SNX30: variants seen among roughly 807,000 people sequenced by gnomAD.
The protein encoded by SNX30 is sorting nexin family member 30, also known as sorting nexin-30.
A neutral mutation model predicts 46.4 loss-of-function variants in SNX30; 24 were observed. That is an observed-to-expected ratio of 0.52 (90% CI 0.37 to 0.73). The LOEUF is 0.73. SNX30 is among the 30% of genes least tolerant of loss of function. SNX30 has a pLI of 0.00. For missense variants in SNX30, 533 were observed against 555.7 expected, an observed-to-expected ratio of 0.96 and a Z score of 0.41; for synonymous variants, 189 against 211.5, an observed-to-expected ratio of 0.89 and a Z score of 0.92.
intron 1 of SNX30, among the ~76,000 whole-genome samples, chr9:112,755,298 G>T (rs1324575893): frequency 1.3e-5 from 2 of 152,198 alleles, no homozygotes; most frequent in Admixed American, 6.5e-5. Flanking sequence ...AGACTGTCCG[G>T]GGAGGGACTG....
At chr9:112,788,409 A>T (rs75055874) in intron 1 of SNX30, among the ~76,000 whole-genome samples, 1 of 152,184 alleles carries the variant, frequency 6.6e-6, no homozygotes, top group Admixed American at 6.5e-5. Flanking sequence ...AAACATGTCA[A>T]TGAGAACCAG....
At chr9:112,816,215 A>T (rs764274473) in intron 2 of SNX30, among the ~76,000 whole-genome samples, 5 of 152,154 alleles carry the variant, frequency 3.3e-5, no homozygotes, top group African/African-American at 1.2e-4. Flanking sequence ...TCTGGTAGGG[A>T]TGCAAGAACT....
At chr9:112,826,802 A>T (rs1036545414) in intron 3 of SNX30, among the ~76,000 whole-genome samples, 1 of 152,146 alleles carries the variant, frequency 6.6e-6, no homozygotes, top group Non-Finnish European at 1.5e-5. Flanking sequence ...GGAACGGGGG[A>T]GAGAAGAACT....
chr9:112,876,537 G>C (rs1841519472), downstream of SNX30, among the ~76,000 whole-genome samples: 2 of 152,214 alleles, frequency 1.3e-5, no homozygotes, highest in Admixed American at 1.3e-4. Context: ...AGGAAATCCA[G>C]GTGGAGATGT....
chr9:112,861,767 T>TAC (rs1749664699), intron 7 of SNX30, among the ~76,000 whole-genome samples: 1 of 152,174 alleles, frequency 6.6e-6, no homozygotes, highest in Admixed American at 6.5e-5. Flanking sequence ...CCCTTGTGTG[T>TAC]ACCGCCACTC....
intron 1 of SNX30, among the ~76,000 whole-genome samples, chr9:112,763,336 G>A (rs1360718235): frequency 7.7e-6 from 1 of 129,716 alleles, no homozygotes; most frequent in African/African-American, 2.9e-5. Flanking sequence ...TCCTAGTGGT[G>A]TATGGTGTGC....
intron 3 of SNX30, among the ~76,000 whole-genome samples, chr9:112,819,734 CT>C (rs1339343746): frequency 6.6e-6 from 1 of 152,166 alleles, no homozygotes; most frequent in Non-Finnish European, 1.5e-5. Context: ...AGACTTGTCC[CT>C]CAGTTGACAT....
chr9:112,766,214 C>A (rs1458250807), intron 1 of SNX30, among the ~76,000 whole-genome samples: 1 of 152,128 alleles, frequency 6.6e-6, no homozygotes, highest in East Asian at 1.9e-4. Context: ...ACTTCTTGAC[C>A]AGTATCTCTC....
At chr9:112,793,796 T>C (rs1162267469) in intron 1 of SNX30, among the ~76,000 whole-genome samples, 1 of 135,612 alleles carries the variant, frequency 7.4e-6, no homozygotes, top group African/African-American at 2.7e-5. Context: ...TTACCTCCAC[T>C]GTTTTTTGTT....
At chr9:112,770,915 G>T (rs1839637999) in intron 1 of SNX30, among the ~76,000 whole-genome samples, 1 of 152,202 alleles carries the variant, frequency 6.6e-6, no homozygotes, top group Non-Finnish European at 1.5e-5. Flanking sequence ...AGAATCTCTT[G>T]AACCCAGGAG....
chr9:112,828,465 A>C (rs1401989001), intron 3 of SNX30, among the ~76,000 whole-genome samples: 1 of 152,248 alleles, frequency 6.6e-6, no homozygotes, highest in Non-Finnish European at 1.5e-5. Flanking sequence ...TGCATTTCTC[A>C]GAGTGTATCT....
intron 5 of SNX30, 112 bp downstream of exon 5, chr9:112,836,521 C>T: frequency 8.7e-7 from 1 of 1,148,662 alleles, no homozygotes; most frequent in Non-Finnish European, 1.2e-6. Context: ...CAGAACTAGG[C>T]CATCTTTTGC....
downstream of SNX30, chr9:112,879,425 C>T (rs976435032): frequency 1.6e-5 from 4 of 243,264 alleles, no homozygotes; most frequent in Non-Finnish European, 3.2e-5. Context: ...AAGGGGCAGG[C>T]TCGCTGTAGC....
intron 8 of SNX30, among the ~76,000 whole-genome samples, chr9:112,867,227 G>C (rs1486206556): frequency 2.3e-5 from 3 of 131,528 alleles, no homozygotes; most frequent in Admixed American, 1.6e-4. Flanking sequence ...TCCCTCCTCA[G>C]AACTCCTGCC....
chr9:112,828,363 T>C (rs1280947866), intron 3 of SNX30, among the ~76,000 whole-genome samples: 1 of 152,038 alleles, frequency 6.6e-6, no homozygotes, highest in Non-Finnish European at 1.5e-5. Context: ...CAATAGCCTA[T>C]ACCGTATCGC....
At chr9:112,843,626 C>T (rs1474525537) in intron 6 of SNX30, among the ~76,000 whole-genome samples, 3 of 105,214 alleles carry the variant, frequency 2.9e-5, no homozygotes, top group African/African-American at 7.1e-5. Flanking sequence ...CCTGCAGTAG[C>T]TTTTTTTTTT....
intron 7 of SNX30, among the ~76,000 whole-genome samples, chr9:112,853,222 T>A (rs1485967602): frequency 1.3e-5 from 2 of 152,220 alleles, no homozygotes; most frequent in African/African-American, 4.8e-5. Flanking sequence ...ATGATGAGGA[T>A]TGGAACTGTA....
chr9:112,755,740 G>A (rs181263780), intron 1 of SNX30, among the ~76,000 whole-genome samples: 131 of 152,078 alleles, frequency 8.6e-4, no homozygotes, highest in Non-Finnish European at 1.6e-3. Context: ...GATGGCTGGA[G>A]CAAGGTATTC....
chr9:112,885,032 G>A (rs553734094), downstream of SNX30: 2 of 152,188 alleles, frequency 1.3e-5, no homozygotes, highest in African/African-American at 4.8e-5. Flanking sequence ...AGTCCTTAGG[G>A]TCGGACAGTT....
Sources: gnomAD v4.1 joint callset for allele counts (sites outside exome capture counted in the v4.1 genomes callset) on GRCh38, gnomAD v4.1.1 for gene constraint, MANE v1.5 for transcripts, NCBI Gene and HGNC (gene_info 2026-07-23, HGNC 2026-07-21) for gene names.